The following CCDC178 variants were observed in gnomAD, a reference collection of about 807,000 sequenced individuals.
CCDC178 encodes the protein coiled-coil domain-containing protein 178.
CCDC178 carries 126 observed loss-of-function variants against 117.4 expected under a neutral mutation model. The ratio of observed to expected loss-of-function variants is 1.07; its 90% CI spans 0.93 to 1.24. CCDC178 has a LOEUF of 1.24. Ranked by LOEUF, CCDC178 falls within the 50% of genes most tolerant of loss-of-function variation. The probability of loss-of-function intolerance (pLI) is 0.00; values close to 1 mark genes in which losing one functional copy is unlikely to be tolerated. For missense variants in CCDC178, 1,030 were observed against 986.9 expected, an observed-to-expected ratio of 1.04 and a Z score of -0.59; for synonymous variants, 283 against 313.4, an observed-to-expected ratio of 0.90 and a Z score of 1.02.
intron 15 of CCDC178, among the ~76,000 whole-genome samples, chr18:33,227,700 A>G (rs1206535992): frequency 2.0e-5 from 3 of 151,780 alleles, no homozygotes; most frequent in African/African-American, 7.3e-5. Flanking sequence ...GAGACAATAC[A>G]AAGAAACAAG....
intron 2 of CCDC178, among the ~76,000 whole-genome samples, chr18:33,436,116 A>G (rs2064286822): frequency 6.6e-6 from 1 of 152,218 alleles, no homozygotes; most frequent in South Asian, 2.1e-4. Flanking sequence ...AGAATAATTA[A>G]CATTAACAAT....
intron 21 of CCDC178, among the ~76,000 whole-genome samples, chr18:33,071,426 C>T (rs531574758): frequency 4.6e-4 from 70 of 152,138 alleles, no homozygotes; most frequent in African/African-American, 1.6e-3. Flanking sequence ...AATCTGATGT[C>T]ATTATTTGGT....
intron 14 of CCDC178, among the ~76,000 whole-genome samples, chr18:33,248,776 A>G (rs1268587485): frequency 1.3e-5 from 2 of 152,128 alleles, no homozygotes; most frequent in East Asian, 3.9e-4. Context: ...CTTCAGGTAT[A>G]TACCCAGTAA....
chr18:33,342,453 T>C (rs759881672), intron 9 of CCDC178, among the ~76,000 whole-genome samples: 5 of 152,208 alleles, frequency 3.3e-5, no homozygotes, highest in Non-Finnish European at 2.9e-5. Context: ...TTGTTTTGGA[T>C]GTGATACTTA....
intron 20 of CCDC178, among the ~76,000 whole-genome samples, chr18:33,104,988 A>C (rs2057685418): frequency 6.6e-6 from 1 of 151,690 alleles, no homozygotes; most frequent in Admixed American, 6.6e-5. Flanking sequence ...TACACAAATA[A>C]TTCTTTTTAT....
At chr18:33,027,054 G>A (rs1366430667) in intron 21 of CCDC178, among the ~76,000 whole-genome samples, 1 of 151,736 alleles carries the variant, frequency 6.6e-6, no homozygotes, top group East Asian at 1.9e-4. Context: ...CAAAATAATT[G>A]CAAAATTGAA....
rs756775895 is a variant in CCDC178, at chr18:33,323,581, G to A, written c.932C>T (p.Ala311Val). 17 of 1,558,972 alleles carry A rather than the reference G, an allele frequency of 1.1e-5. 2 individuals are homozygous for A. In the South Asian group the frequency reaches 2.1e-4, roughly 19 times the overall value. ...AGCCTTCAATCTGGCATTTTCACAG[G>A]CTTCTAAAGCTTCTTCAAGTTCTTC... ...VNEELEEALE[A>V]CENARLKAQQ... Residue 311 changes from alanine to valine, a missense_variant, in exon 11 of 23, where the codon GCC (alanine) becomes GTC (valine). Ala to Val is a moderately conservative substitution (Grantham distance 64, BLOSUM62 0). Transcript: ENST00000383096.
At chr18:33,010,260 A>G (rs2055836667) in intron 21 of CCDC178, among the ~76,000 whole-genome samples, 1 of 152,136 alleles carries the variant, frequency 6.6e-6, no homozygotes, top group African/African-American at 2.4e-5. Flanking sequence ...GCTACTGATC[A>G]GACCTGTTAT....
At chr18:33,131,883 A>T (rs1381116159) in intron 20 of CCDC178, among the ~76,000 whole-genome samples, 3 of 151,790 alleles carry the variant, frequency 2.0e-5, no homozygotes, top group Non-Finnish European at 4.4e-5. Flanking sequence ...TTCTAAATAC[A>T]TTTTATGCCT....
chr18:32,948,269 A>C (rs1300253172), intron 22 of CCDC178, among the ~76,000 whole-genome samples: 2 of 152,086 alleles, frequency 1.3e-5, no homozygotes, highest in East Asian at 3.8e-4. Context: ...ATTGTGTTGA[A>C]TCTTTAGATC....
At chr18:33,217,600 C>G (rs1418532978) in intron 18 of CCDC178, among the ~76,000 whole-genome samples, 1 of 151,462 alleles carries the variant, frequency 6.6e-6, no homozygotes, top group East Asian at 1.9e-4. Context: ...ATAAATTTTG[C>G]TGTATAGTTT....
At chr18:33,024,115 A>G (rs900598718) in intron 21 of CCDC178, among the ~76,000 whole-genome samples, 1 of 152,226 alleles carries the variant, frequency 6.6e-6, no homozygotes, top group African/African-American at 2.4e-5. Context: ...AACTTGCCAA[A>G]CAAGACTTAA....
intron 20 of CCDC178, among the ~76,000 whole-genome samples, chr18:33,196,933 ATTC>A (rs2058937739): frequency 6.6e-6 from 1 of 152,154 alleles, no homozygotes; most frequent in Non-Finnish European, 1.5e-5. Flanking sequence ...TATTGCTTGC[ATTC>A]TGTCTACCTT....
At chr18:33,266,862 G>A (rs1434491504) in intron 14 of CCDC178, 54 bp downstream of exon 14, 3 of 1,405,160 alleles carry the variant, frequency 2.1e-6, no homozygotes, top group African/African-American at 1.4e-5. Context: ...GAGGTTTATT[G>A]TATTTAACAT....
intron 12 of CCDC178, among the ~76,000 whole-genome samples, chr18:33,276,908 C>T (rs1025937318): frequency 5.9e-5 from 9 of 152,088 alleles, no homozygotes; most frequent in Admixed American, 5.2e-4. Flanking sequence ...AAATTCAATA[C>T]TCATTCCCAA....
chr18:33,308,740 T>G (rs1431663813), intron 11 of CCDC178, among the ~76,000 whole-genome samples: 1 of 152,166 alleles, frequency 6.6e-6, no homozygotes, highest in Non-Finnish European at 1.5e-5. Context: ...ACTATTCTCA[T>G]GATAGCGAGT....
At chr18:33,147,049 T>C (rs1220060063) in intron 20 of CCDC178, among the ~76,000 whole-genome samples, 1 of 151,676 alleles carries the variant, frequency 6.6e-6, no homozygotes, top group Non-Finnish European at 1.5e-5. Context: ...TGGAACATCC[T>C]GAAAACCAGA....
At chr18:33,438,621 A>G (rs1379890205) in intron 2 of CCDC178, among the ~76,000 whole-genome samples, 3 of 152,044 alleles carry the variant, frequency 2.0e-5, no homozygotes, top group African/African-American at 7.2e-5. Flanking sequence ...ATTAGAGCTC[A>G]CACACATGCA....
chr18:32,986,277 C>A (rs116214032), intron 21 of CCDC178, among the ~76,000 whole-genome samples: 149 of 152,138 alleles, frequency 9.8e-4, no homozygotes, highest in African/African-American at 3.5e-3. Flanking sequence ...TAGTGAGTAG[C>A]CACCAATTCC....
Sources: gnomAD v4.1 joint callset for allele counts (sites outside exome capture counted in the v4.1 genomes callset) on GRCh38, gnomAD v4.1.1 for gene constraint, MANE v1.5 for transcripts, NCBI Gene and HGNC (gene_info 2026-07-23, HGNC 2026-07-21) for gene names.